The following CCDC144A variants were observed in gnomAD, a reference collection of about 807,000 sequenced individuals.
The protein encoded by CCDC144A is coiled-coil domain containing 144A.
In CCDC144A, 41 loss-of-function variants were observed where a neutral mutation model predicts 143.8. The observed-to-expected ratio is 0.29, with a 90% CI of 0.22 to 0.37. The LOEUF (loss-of-function observed/expected upper bound fraction) is 0.37. Ranked by LOEUF, CCDC144A falls within the 10% of genes least tolerant of loss-of-function variation. CCDC144A has a pLI of 1.00. For missense variants in CCDC144A, 637 were observed against 1,488.8 expected, an observed-to-expected ratio of 0.43 and a Z score of 9.41; for synonymous variants, 242 against 517.9, an observed-to-expected ratio of 0.47 and a Z score of 7.23.
At chr17:16,720,457 C>T in intron 7 of CCDC144A, 60 bp from the exon 8 acceptor site, 1 of 1,565,898 alleles carries the variant, frequency 6.4e-7, no homozygotes, top group South Asian at 1.2e-5. Context: ...GCTTCTGTAC[C>T]TTTAGTATAT....
At chr17:16,712,287 T>C (rs1232885582) in intron 6 of CCDC144A, 3 of 163,998 alleles carry the variant, frequency 1.8e-5, no homozygotes, top group African/African-American at 7.2e-5. Flanking sequence ...AAACTAACAA[T>C]GAGACACCAT....
the CCDC144A span, among the ~76,000 whole-genome samples, chr17:16,672,584 T>C: frequency 6.6e-6 from 1 of 152,156 alleles, no homozygotes; most frequent in Admixed American, 6.6e-5. Context: ...AAACAATTTA[T>C]ATAACCTGGC....
Position 16,697,917 on chromosome 17 carries a change from G to A in CCDC144A, c.415+4868G>A, listed in dbSNP as rs71301142. On this transcript the variant is annotated intron_variant, in intron 2 of 16. Transcript: ENST00000399273. ...CTGGCTTGTGCCCTAGCATTTAACC[G>A]GGACACGAGGGAGTAGGCAGTTTTC... 1.5e-4 allele frequency among the ~76,000 whole-genome samples: 23 copies of A among 152,290 alleles called. No homozygotes were observed. In the East Asian group the frequency reaches 4.4e-3, roughly 29 times the overall value.
At chr17:16,760,256 G>T (rs1190753223) in intron 12 of CCDC144A, among the ~76,000 whole-genome samples, 1 of 150,616 alleles carries the variant, frequency 6.6e-6, no homozygotes, top group Non-Finnish European at 1.5e-5. Flanking sequence ...GAATGTCATG[G>T]GAGAAGTGGC....
chr17:16,714,188 T>G (rs1275896792), intron 6 of CCDC144A, among the ~76,000 whole-genome samples: 1 of 152,210 alleles, frequency 6.6e-6, no homozygotes, highest in Non-Finnish European at 1.5e-5. Context: ...TTTTACACAT[T>G]GATATGTCCC....
rs1007714806 is a variant in CCDC144A at position 16,695,717 on chromosome 17, C to T, written c.415+2668C>T. Among the ~76,000 whole-genome samples, 8 of 150,708 alleles carry T rather than the reference C, an allele frequency of 5.3e-5. No homozygotes were observed. In the East Asian group the frequency reaches 7.8e-4, roughly 15 times the overall value. ...TACTGTGTTAGATGCCCTCTGGAAC[C>T]GTATAGTGATCATTTATTATGTTAA... On this transcript the variant is annotated intron_variant, in intron 2 of 16. Transcript: ENST00000399273.
Position 16,719,169 on chromosome 17 carries a change from A to G in CCDC144A, c.1716-1029A>G, listed in dbSNP as rs1381567954. Among the ~76,000 whole-genome samples the G allele has an allele frequency of 2.6e-5, 4 of 151,748 alleles. No homozygotes were observed. In the East Asian group the frequency reaches 5.8e-4, roughly 22 times the overall value. On this transcript the variant is annotated intron_variant, in intron 6 of 16. Transcript: ENST00000399273. ...AAAAAATATTTAATCAAGTTGACCT[A>G]CAATGGATTATAAAGTTCTGAAGTA...
At chr17:16,687,544 C>T (rs551740041), upstream of CCDC144A, among the ~76,000 whole-genome samples, 55 of 152,184 alleles carry the variant, frequency 3.6e-4, no homozygotes, top group African/African-American at 1.3e-3. Context: ...GACAAGCCCT[C>T]CAGCGGTGAG....
chr17:16,729,087 T>G (rs1413049666), intron 9 of CCDC144A, among the ~76,000 whole-genome samples: 1 of 152,218 alleles, frequency 6.6e-6, no homozygotes, highest in Non-Finnish European at 1.5e-5. Context: ...AATGATTTCT[T>G]TTCCTTTGGG....
At chr17:16,752,536 G>C (rs1354836306) in intron 12 of CCDC144A, among the ~76,000 whole-genome samples, 1 of 138,802 alleles carries the variant, frequency 7.2e-6, no homozygotes, top group Non-Finnish European at 1.6e-5. Flanking sequence ...GCTTGAATCC[G>C]GGGGGTATTG....
chr17:16,725,001 AATTTTTTTT>A (rs1913327417), intron 8 of CCDC144A, among the ~76,000 whole-genome samples: 1 of 57,546 alleles, frequency 1.7e-5, no homozygotes, highest in African/African-American at 6.5e-5. Flanking sequence ...TATAGCTGGT[AATTTTTTTT>A]TTTTTTTTTT....
At chr17:16,711,646 A>G (rs757223025) in intron 5 of CCDC144A, 33 bp from the exon 6 acceptor site, 1 of 1,610,282 alleles carries the variant, frequency 6.2e-7, no homozygotes, top group Non-Finnish European at 8.5e-7. Flanking sequence ...TAAAGCAATA[A>G]CAATCATCCT....
chr17:16,751,480 G>A lies in CCDC144A; in HGVS notation c.3373-9945G>A, dbSNP rs150032660. On this transcript the variant is annotated intron_variant, in intron 12 of 16. Coordinates refer to ENST00000399273, the MANE Select transcript of CCDC144A (RefSeq NM_001382000.1). ...AGCGTGTTGGCAGCAGTGCTCTGGG[G>A]AAGGGGGAAAAGTAGGATTGTGAAG... Among the ~76,000 whole-genome samples, 329 of 152,332 alleles carry A rather than the reference G, an allele frequency of 2.2e-3. 3 individuals carry two copies. Among genetic ancestry groups the A allele is most frequent in the African/African-American group, 7.5e-3 (310 of 41,584 alleles).
chr17:16,672,688 G>A, the CCDC144A span, among the ~76,000 whole-genome samples: 4 of 152,196 alleles, frequency 2.6e-5, 1 homozygote, highest in South Asian at 6.3e-4. Flanking sequence ...CAGAAATTAT[G>A]AGATGGTTTC....
chr17:16,769,369 G>C (rs1237372318), intron 15 of CCDC144A, among the ~76,000 whole-genome samples: 1 of 152,250 alleles, frequency 6.6e-6, no homozygotes, highest in Non-Finnish European at 1.5e-5. Context: ...TATCATTTAT[G>C]GCTGGATTTA....
chr17:16,709,780 T>A, intron 5 of CCDC144A, 145 bp downstream of exon 5: 1 of 1,242,702 alleles, frequency 8.0e-7, no homozygotes, highest in South Asian at 1.6e-5. Context: ...GATTTCTAAG[T>A]AATAGGAGTT....
At position 16,762,462 on chromosome 17, in the gene CCDC144A, A is replaced by G. The variant is rs147053829; in HGVS notation, c.3816A>G (p.Glu1272=). The G allele has an allele frequency of 6.3e-7, 1 of 1,592,660 alleles. No individual in the cohort carries two copies. The highest frequency in any genetic ancestry group is 2.3e-5 in the East Asian group (1 of 43,530). Residue 1272 remains glutamate (E), a synonymous_variant, in exon 14 of 17, where the codon GAA becomes GAG. Coordinates refer to ENST00000399273, the MANE Select transcript of CCDC144A (RefSeq NM_001382000.1). The part of the protein sequence containing the change: ...KTSQADFNKT[E]LERYKELYLE... ...CGCAAGCCGACTTTAATAAAACCGA[A>G]TTGGAAAGATATAAGGAACTCTACC...
chr17:16,716,164 G>A (rs879695058), intron 6 of CCDC144A, among the ~76,000 whole-genome samples: 123 of 151,992 alleles, frequency 8.1e-4, no homozygotes, highest in Non-Finnish European at 1.4e-3. Flanking sequence ...ATTGCTCTCA[G>A]GAAGATCTCT....
intron 12 of CCDC144A, among the ~76,000 whole-genome samples, chr17:16,748,860 G>A (rs1914657329): frequency 6.6e-6 from 1 of 152,072 alleles, no homozygotes; most frequent in East Asian, 1.9e-4. Flanking sequence ...ATTCTAGTTT[G>A]TGTGTATACA....
Sources: gnomAD v4.1 joint callset for allele counts (sites outside exome capture counted in the v4.1 genomes callset) on GRCh38, gnomAD v4.1.1 for gene constraint, MANE v1.5 for transcripts, NCBI Gene and HGNC (gene_info 2026-07-23, HGNC 2026-07-21) for gene names.